Variants in TRIP4 observed in about 807,000 individuals in gnomAD.
The protein encoded by TRIP4 is activating signal cointegrator 1.
Under a neutral mutation model 81.8 loss-of-function variants are expected in TRIP4, and 54 were observed. That is an observed-to-expected ratio of 0.66 (90% confidence interval 0.53 to 0.83). The LOEUF is 0.83. Among genes scored for constraint, TRIP4 ranks in the 40% least tolerant of loss-of-function variants. The probability of loss-of-function intolerance (pLI) is 0.00; values close to 1 mark genes in which losing one functional copy is unlikely to be tolerated. For synonymous variants in TRIP4, 270 were observed against 242.8 expected, an observed-to-expected ratio of 1.11 and a Z score of -1.04; for missense variants, 662 against 683.6, an observed-to-expected ratio of 0.97 and a Z score of 0.35.
intron 5 of TRIP4, among the ~76,000 whole-genome samples, chr15:64,403,762 A>C (rs1891564476): frequency 6.6e-6 from 1 of 152,218 alleles, no homozygotes; most frequent in South Asian, 2.1e-4. Context: ...ATTTTAAATA[A>C]TATTACAAAT....
chr15:64,388,421 C>A (rs1261959525), intron 1 of TRIP4, among the ~76,000 whole-genome samples: 1 of 152,190 alleles, frequency 6.6e-6, no homozygotes, highest in East Asian at 1.9e-4. Flanking sequence ...ATTCACCTGC[C>A]TGAGCCTCCC....
chr15:64,392,485 G>A (rs988286924), intron 1 of TRIP4, among the ~76,000 whole-genome samples: 3 of 151,952 alleles, frequency 2.0e-5, no homozygotes, highest in African/African-American at 7.3e-5. Context: ...CCTGTTTTTG[G>A]GGGGTGTGTG....
chr15:64,395,851 C>T (rs1436595257), intron 3 of TRIP4, among the ~76,000 whole-genome samples: 1 of 151,536 alleles, frequency 6.6e-6, no homozygotes, highest in Admixed American at 6.6e-5. Context: ...AGTGATTCTC[C>T]TGCATCAGTC....
At chr15:64,441,077 A>G (rs916218840) in intron 11 of TRIP4, among the ~76,000 whole-genome samples, 2 of 151,644 alleles carry the variant, frequency 1.3e-5, no homozygotes, top group African/African-American at 4.9e-5. Flanking sequence ...GCTCACTGCA[A>G]GCTCCGCCTC....
chr15:64,455,026 G>A lies in TRIP4; in HGVS notation c.1708G>A (p.Ala570Thr). 2 of 1,614,032 alleles carry A rather than the reference G, an allele frequency of 1.2e-6. No homozygotes were observed. The highest frequency in any genetic ancestry group is 1.7e-6 in the Non-Finnish European group (2 of 1,179,966). ...WKLDSKIHQGAKKGLMKQNKA... is the reference protein window; with the variant it reads ...WKLDSKIHQGTKKGLMKQNKA... ...ATTGGATTCCAAGATCCATCAAGGA[G>A]CAAAGAAGGGGTTAATGAAGCAGAA... is the stretch of plus-strand genomic sequence containing the variant. The change falls in exon 13 of 13, where the codon GCA becomes ACA. Residue 570 changes from alanine (A) to threonine (T), a missense_variant. Physicochemically the swap from Ala to Thr is moderately conservative, Grantham distance 58. Transcript: ENST00000261884.
chr15:64,388,123 G>C (rs184827196), intron 1 of TRIP4, 159 bp downstream of exon 1: 1 of 1,283,966 alleles, frequency 7.8e-7, no homozygotes, highest in African/African-American at 1.5e-5. Flanking sequence ...CACCTTTGTA[G>C]TTTAGTTTCT....
intron 3 of TRIP4, among the ~76,000 whole-genome samples, chr15:64,395,974 T>A (rs1460100839): frequency 2.0e-5 from 3 of 151,836 alleles, no homozygotes; most frequent in African/African-American, 7.3e-5. Flanking sequence ...AGTGGTGTAA[T>A]CTCAGCTCAC....
chr15:64,388,031 A>T, intron 1 of TRIP4, 67 bp downstream of exon 1: 1 of 1,476,570 alleles, frequency 6.8e-7, no homozygotes, highest in Middle Eastern at 1.8e-4. Flanking sequence ...CGAACCGGGA[A>T]GCGGGGAGGA....
intron 4 of TRIP4, among the ~76,000 whole-genome samples, chr15:64,400,088 A>G (rs1465319419): frequency 2.0e-5 from 3 of 151,722 alleles, no homozygotes; most frequent in South Asian, 2.1e-4. Flanking sequence ...AAAGCAACCC[A>G]GTTCTAATCA....
chr15:64,412,645 A>ATATAT (rs59391564), intron 7 of TRIP4, among the ~76,000 whole-genome samples: 112,057 of 151,578 alleles, frequency 0.74, 45,099 homozygotes, highest in East Asian at 0.96. Flanking sequence ...CCTAACAAAC[A>ATATAT]TATATTGAAT....
chr15:64,397,792 G>A lies in TRIP4; in HGVS notation c.592G>A (p.Gly198Ser). Reference sequence around the variant, plus strand: ...CATTGTCTGTGAACAAGAAGGCTCAGGCCCTTGCTTATTCTGTGGCACTCT... The same window carrying A: ...CATTGTCTGTGAACAAGAAGGCTCAAGCCCTTGCTTATTCTGTGGCACTCT... The part of the protein sequence containing the change: ...GRIVCEQEGS[G>S]PCLFCGTLVC... The change falls in exon 4 of 13, where the codon GGC (glycine) becomes AGC (serine). Residue 198 changes from glycine (G) to serine (S), a missense_variant. Physicochemically the swap from Gly to Ser is moderately conservative, Grantham distance 56. Transcript: ENST00000261884. 6 of 1,614,226 alleles carry A rather than the reference G, an allele frequency of 3.7e-6. No individual in the cohort carries two copies. The highest frequency in any genetic ancestry group is 5.1e-6 in the Non-Finnish European group (6 of 1,180,048).
At chr15:64,452,428 C>T (rs573948315) in intron 12 of TRIP4, among the ~76,000 whole-genome samples, 2 of 152,148 alleles carry the variant, frequency 1.3e-5, no homozygotes, top group African/African-American at 4.8e-5. Context: ...GCAAATATTC[C>T]AAAATCCAAA....
At chr15:64,417,202 G>T (rs1336664832) in intron 8 of TRIP4, among the ~76,000 whole-genome samples, 1 of 152,084 alleles carries the variant, frequency 6.6e-6, no homozygotes, top group Non-Finnish European at 1.5e-5. Flanking sequence ...TGTAGAGAAG[G>T]AGTTTCGCCT....
intron 5 of TRIP4, 112 bp downstream of exon 5, chr15:64,400,933 C>A: frequency 1.2e-6 from 1 of 844,326 alleles, no homozygotes. Flanking sequence ...TTCACTCATT[C>A]TCAGTTTTTT....
intron 11 of TRIP4, among the ~76,000 whole-genome samples, chr15:64,438,825 G>T (rs1892456370): frequency 6.6e-6 from 1 of 152,206 alleles, no homozygotes; most frequent in Non-Finnish European, 1.5e-5. Context: ...CAGTGGAAAT[G>T]TTACTGTCGA....
At chr15:64,397,118 C>T (rs1900318570) in intron 3 of TRIP4, among the ~76,000 whole-genome samples, 1 of 152,082 alleles carries the variant, frequency 6.6e-6, no homozygotes, top group Admixed American at 6.6e-5. Flanking sequence ...TGCCCAGTGG[C>T]GTCAACTCGA....
chr15:64,428,169 C>T (rs1303899059), intron 11 of TRIP4, among the ~76,000 whole-genome samples: 1 of 152,130 alleles, frequency 6.6e-6, no homozygotes, highest in Non-Finnish European at 1.5e-5. Flanking sequence ...GCTTTATTTT[C>T]TCATCTATTG....
intron 12 of TRIP4, among the ~76,000 whole-genome samples, chr15:64,453,565 G>T (rs1566988755): frequency 6.6e-6 from 1 of 152,160 alleles, no homozygotes; most frequent in Non-Finnish European, 1.5e-5. Context: ...AGGGATAAAA[G>T]AACTCCTAAA....
In TRIP4 at chr15:64,414,317, A is replaced by ACACACC. The variant is rs1891839617; in HGVS notation, c.1170+106_1170+107insCACACC. 3.9e-5 allele frequency: 57 copies of ACACACC among 1,456,660 alleles called. No individual in the cohort carries two copies. In the South Asian group the frequency reaches 5.7e-4, roughly 15 times the overall value. The allele number at this position is 1,456,660 out of a possible 1,614,324, so 90.2% of individuals were successfully genotyped here. A position where few individuals can be genotyped will look rare whatever the true frequency, so the allele number is the denominator to read the frequency against. On this transcript the variant is annotated intron_variant, in intron 8 of 12. Coordinates refer to ENST00000261884, the MANE Select transcript of TRIP4 (RefSeq NM_016213.5). ...CTTCAGATACCAATCAGCTCTCTCA[A>ACACACC]TACACCTGTACCAATCAGCTCTCTC...
Sources: gnomAD v4.1 joint callset for allele counts (sites outside exome capture counted in the v4.1 genomes callset) on GRCh38, gnomAD v4.1.1 for gene constraint, MANE v1.5 for transcripts, NCBI Gene and HGNC (gene_info 2026-07-23, HGNC 2026-07-21) for gene names.